The following CALN1 variants were observed in gnomAD, a reference collection of about 807,000 sequenced individuals.
CALN1 encodes calneuron 1, also known as calcium-binding protein 8.
In CALN1, 17 loss-of-function variants were observed where a neutral mutation model predicts 30.6. The observed-to-expected ratio is 0.56, with a 90% CI of 0.38 to 0.83. CALN1 has a LOEUF of 0.83. CALN1 is among the 40% of genes least tolerant of loss of function. The pLI is 0.00. For missense variants in CALN1, 291 were observed against 354.9 expected, an observed-to-expected ratio of 0.82 and a Z score of 1.45; for synonymous variants, 156 against 131.4, an observed-to-expected ratio of 1.19 and a Z score of -1.28.
chr7:72,318,062 G>A (rs930192294), intron 2 of CALN1, among the ~76,000 whole-genome samples: 10 of 151,930 alleles, frequency 6.6e-5, no homozygotes, highest in African/African-American at 2.2e-4. Flanking sequence ...TTTTTCTCTG[G>A]TCTCACCTCC....
At chr7:72,076,611 CAAAAAAAAAAAAAAAAAAAAAA>C (rs572245834) in intron 4 of CALN1, among the ~76,000 whole-genome samples, 389 of 6,136 alleles carry the variant, frequency 0.063, 10 homozygotes, top group Middle Eastern at 0.3. Flanking sequence ...AAAAAAAAAG[CAAAAAAAAAAAAAAAAAAAAAA>C]AAAAAAAAAA....
In CALN1 at chr7:72,095,908, C is replaced by T. The variant is rs563621099; in HGVS notation, c.388+10243G>A. ...AAAAATTAGCCAGGCATGGTGACGA[C>T]GCATGCCTGTAGTCCCAGCAACTCG... On this transcript the variant is annotated intron_variant, in intron 4 of 6. Transcript: ENST00000395275. Among the ~76,000 whole-genome samples the T allele has an allele frequency of 4.6e-5, 7 of 152,168 alleles. No homozygotes were observed. The South Asian group carries it at 8.3e-4, about 18-fold the overall frequency.
In CALN1 at chr7:71,786,022, CAT is replaced by C. The variant is rs936469381; in HGVS notation, c.*1751_*1752del. On this transcript the variant is annotated 3_prime_UTR_variant, in exon 7 of 7. Coordinates refer to ENST00000395275, the MANE Select transcript of CALN1 (RefSeq NM_031468.4). Reference sequence around the variant, plus strand: ...TTTACTTGTGCTCATCAGGAATATTCATAGTCTCCCACAGAGGGAAAGTTTCT... The same window carrying C: ...TTTACTTGTGCTCATCAGGAATATTCAGTCTCCCACAGAGGGAAAGTTTCT... The C allele has an allele frequency of 2.1e-4, 32 of 152,790 alleles. No homozygotes were observed. The highest frequency in any genetic ancestry group is 7.5e-4 in the African/African-American group (31 of 41,582). 9.5% of individuals were successfully genotyped at this position (152,790 alleles called of 1,614,324 possible). A position where few individuals can be genotyped will look rare whatever the true frequency, so the allele number is the denominator to read the frequency against.
chr7:71,837,243 C>CAAAAAAAAAAAAAAAAAAAAAAAAA (rs55977265), intron 5 of CALN1, among the ~76,000 whole-genome samples: 1 of 79,120 alleles, frequency 1.3e-5, no homozygotes, highest in African/African-American at 4.9e-5. Flanking sequence ...AAAAAAAAGA[C>CAAAAAAAAAAAAAAAAAAAAAAAAA]AAAAAAAAAA....
chr7:72,163,321 A>T (rs941500232), intron 3 of CALN1, among the ~76,000 whole-genome samples: 1 of 151,906 alleles, frequency 6.6e-6, no homozygotes, highest in African/African-American at 2.4e-5. Context: ...TATTCAAGAA[A>T]AAGAGCATAA....
At chr7:72,381,653 G>A (rs959768072) in intron 2 of CALN1, among the ~76,000 whole-genome samples, 3 of 152,162 alleles carry the variant, frequency 2.0e-5, no homozygotes, top group Admixed American at 1.3e-4. Flanking sequence ...TGAATAATGA[G>A]AACGTATGGA....
At chr7:72,232,499 T>TGC (rs1398142970) in intron 3 of CALN1, among the ~76,000 whole-genome samples, 3 of 152,220 alleles carry the variant, frequency 2.0e-5, no homozygotes, top group African/African-American at 7.2e-5. Flanking sequence ...CTCACTCTGT[T>TGC]GCCCAGGCTG....
chr7:72,383,477 T>G (rs1805032827), intron 2 of CALN1, among the ~76,000 whole-genome samples: 2 of 152,222 alleles, frequency 1.3e-5, no homozygotes, highest in Non-Finnish European at 2.9e-5. Context: ...TGGTTTTGAT[T>G]TGCCTCTCTC....
At chr7:72,294,959 A>T (rs925700507) in intron 2 of CALN1, among the ~76,000 whole-genome samples, 12 of 152,126 alleles carry the variant, frequency 7.9e-5, no homozygotes, top group African/African-American at 2.9e-4. Flanking sequence ...TCAAATTATC[A>T]AATATAAGAC....
intron 4 of CALN1, among the ~76,000 whole-genome samples, chr7:72,090,728 A>C (rs1433336153): frequency 6.6e-6 from 1 of 152,206 alleles, no homozygotes; most frequent in Non-Finnish European, 1.5e-5. Context: ...ACATTTACAC[A>C]GTGGAATATT....
chr7:72,033,859 G>A (rs903579177), intron 4 of CALN1, among the ~76,000 whole-genome samples: 6 of 152,170 alleles, frequency 3.9e-5, no homozygotes, highest in African/African-American at 1.4e-4. Flanking sequence ...ACTTGGTGGG[G>A]TAGAGCTGAC....
At chr7:71,993,470 TGTC>T (rs1799068942) in intron 5 of CALN1, among the ~76,000 whole-genome samples, 1 of 150,912 alleles carries the variant, frequency 6.6e-6, no homozygotes, top group African/African-American at 2.4e-5. Flanking sequence ...TTTTTTTTTT[TGTC>T]TGTCATGGAG....
intron 3 of CALN1, among the ~76,000 whole-genome samples, chr7:72,255,090 C>CTTTCTTTTCT (rs113597863): frequency 6.0e-5 from 9 of 151,180 alleles, no homozygotes; most frequent in African/African-American, 1.7e-4. Context: ...CATGCCCGGC[C>CTTTCTTTTCT]TTTCTTTTCT....
intron 5 of CALN1, among the ~76,000 whole-genome samples, chr7:71,965,074 C>T (rs1413469174): frequency 2.6e-5 from 4 of 152,144 alleles, no homozygotes; most frequent in Non-Finnish European, 5.9e-5. Context: ...GTCCCCCAGG[C>T]TAGAGTGCAG....
At chr7:72,445,099 CACACACAA>C (rs1381617001) in intron 1 of CALN1, among the ~76,000 whole-genome samples, 99 of 134,688 alleles carry the variant, frequency 7.4e-4, no homozygotes, top group Middle Eastern at 7.3e-3. Flanking sequence ...CACACACACA[CACACACAA>C]CATTAAGTTG....
chr7:72,144,614 C>G (rs1192102592), intron 3 of CALN1, among the ~76,000 whole-genome samples: 1 of 152,114 alleles, frequency 6.6e-6, no homozygotes, highest in South Asian at 2.1e-4. Context: ...AGCTCTGCAC[C>G]AAACAGACCT....
chr7:71,987,230 A>T (rs772258399), intron 5 of CALN1, among the ~76,000 whole-genome samples: 5 of 152,220 alleles, frequency 3.3e-5, no homozygotes, highest in Non-Finnish European at 7.3e-5. Context: ...TAAAGGGGCA[A>T]CAGAAGGAAA....
At chr7:72,195,207 C>T (rs956923863) in intron 3 of CALN1, among the ~76,000 whole-genome samples, 1 of 152,186 alleles carries the variant, frequency 6.6e-6, no homozygotes, top group Non-Finnish European at 1.5e-5. Flanking sequence ...ACACACTCAT[C>T]TTTTGAGCCC....
intron 3 of CALN1, among the ~76,000 whole-genome samples, chr7:72,153,190 C>T (rs540505387): frequency 6.6e-6 from 1 of 152,328 alleles, no homozygotes; most frequent in African/African-American, 2.4e-5. Flanking sequence ...CACCCCTTGG[C>T]TGCAGCAATC....
Sources: gnomAD v4.1 joint callset for allele counts (sites outside exome capture counted in the v4.1 genomes callset) on GRCh38, gnomAD v4.1.1 for gene constraint, MANE v1.5 for transcripts, NCBI Gene and HGNC (gene_info 2026-07-23, HGNC 2026-07-21) for gene names.